The following TRIM44 variants were observed in gnomAD, a reference collection of about 807,000 sequenced individuals.
TRIM44 encodes tripartite motif-containing protein 44.
Under a neutral mutation model 37.4 loss-of-function variants are expected in TRIM44, and 13 were observed. The ratio of observed to expected loss-of-function variants is 0.35; its 90% CI spans 0.23 to 0.55. The LOEUF is 0.55. Ranked by LOEUF, TRIM44 falls within the 20% of genes least tolerant of loss-of-function variation. The pLI is 0.89. For missense variants in TRIM44, 426 were observed against 437.2 expected, an observed-to-expected ratio of 0.97 and a Z score of 0.23; for synonymous variants, 175 against 157.2, an observed-to-expected ratio of 1.11 and a Z score of -0.85.
At chr11:35,778,101 T>A (rs1458624276) in intron 4 of TRIM44, among the ~76,000 whole-genome samples, 1 of 152,216 alleles carries the variant, frequency 6.6e-6, no homozygotes, top group Non-Finnish European at 1.5e-5. Context: ...ACCAATCAGA[T>A]GTAGATTTGG....
chr11:35,749,969 G>A (rs982934929), intron 4 of TRIM44, among the ~76,000 whole-genome samples: 2 of 152,156 alleles, frequency 1.3e-5, no homozygotes, highest in African/African-American at 4.8e-5. Context: ...GGGTCGTGAT[G>A]CAAAAGGCTG....
intron 1 of TRIM44, among the ~76,000 whole-genome samples, chr11:35,676,176 TATG>T (rs1245098749): frequency 6.6e-6 from 1 of 152,172 alleles, no homozygotes; most frequent in Non-Finnish European, 1.5e-5. Context: ...CTTATTGAGT[TATG>T]ATGAGGAACA....
At chr11:35,667,409 G>T (rs1437810001) in intron 1 of TRIM44, among the ~76,000 whole-genome samples, 1 of 152,198 alleles carries the variant, frequency 6.6e-6, no homozygotes, top group African/African-American at 2.4e-5. Context: ...TTACTCTGTT[G>T]ATCAGGCTGG....
chr11:35,738,757 G>A lies in TRIM44; in HGVS notation c.1007+3312G>A, dbSNP rs146005284. 1.9e-3 allele frequency among the ~76,000 whole-genome samples: 282 copies of A among 152,176 alleles called. 2 individuals are homozygous for A. Among genetic ancestry groups the A allele is most frequent in the African/African-American group, 6.5e-3 (270 of 41,514 alleles). ...AATTAGAGTTTGATGTATAAGGAAC[G>A]CAGAAAGGAAGTGTGGGAGTCCCTA... On this transcript the variant is annotated intron_variant, in intron 4 of 4. Transcript: ENST00000299413.
intron 4 of TRIM44, among the ~76,000 whole-genome samples, chr11:35,742,540 TATTA>T (rs1274162918): frequency 1.5e-5 from 2 of 130,380 alleles, no homozygotes; most frequent in South Asian, 2.2e-4. Flanking sequence ...TATATAATTA[TATTA>T]ATTATATTAA....
chr11:35,804,940 C>A (rs1195111334), intron 4 of TRIM44, among the ~76,000 whole-genome samples: 1 of 152,170 alleles, frequency 6.6e-6, no homozygotes, highest in Non-Finnish European at 1.5e-5. Flanking sequence ...CCCTTAAAGT[C>A]TTTCCCAGAT....
chr11:35,708,890 A>G (rs1851927085), intron 2 of TRIM44, among the ~76,000 whole-genome samples: 1 of 152,028 alleles, frequency 6.6e-6, no homozygotes, highest in African/African-American at 2.4e-5. Flanking sequence ...GTGCACATGT[A>G]CCCTAAAACT....
intron 4 of TRIM44, among the ~76,000 whole-genome samples, chr11:35,756,834 C>T (rs762134669): frequency 6.6e-6 from 1 of 152,192 alleles, no homozygotes; most frequent in Non-Finnish European, 1.5e-5. Flanking sequence ...GTGGAACCAG[C>T]CTTGCATCCC....
chr11:35,678,745 A>T (rs902742586), intron 1 of TRIM44, among the ~76,000 whole-genome samples: 1 of 151,936 alleles, frequency 6.6e-6, no homozygotes, highest in Non-Finnish European at 1.5e-5. Context: ...GGTAGCTGGG[A>T]ATACAGGCCA....
chr11:35,803,537 G>A (rs1291103306), intron 4 of TRIM44, among the ~76,000 whole-genome samples: 2 of 152,072 alleles, frequency 1.3e-5, no homozygotes, highest in African/African-American at 4.8e-5. Context: ...CAAGGCCAAC[G>A]TGGTGAAACT....
At chr11:35,686,054 T>C (rs1356313470) in intron 2 of TRIM44, among the ~76,000 whole-genome samples, 1 of 152,120 alleles carries the variant, frequency 6.6e-6, no homozygotes, top group Non-Finnish European at 1.5e-5. Flanking sequence ...CTCCACTGCT[T>C]CCAGGAGCCA....
intron 2 of TRIM44, among the ~76,000 whole-genome samples, chr11:35,708,720 A>G (rs1564967542): frequency 1.3e-5 from 2 of 151,616 alleles, no homozygotes; most frequent in Non-Finnish European, 2.9e-5. Context: ...ATGAGAACAC[A>G]TGGACGCAGG....
chr11:35,804,996 G>A lies in TRIM44; in HGVS notation c.1008-1362G>A, dbSNP rs143355261. 3.8e-3 allele frequency among the ~76,000 whole-genome samples: 579 copies of A among 152,286 alleles called. 1 individual carries two copies. Among genetic ancestry groups the A allele is most frequent in the Non-Finnish European group, 6.9e-3 (468 of 68,036 alleles). Reference sequence around the variant, plus strand: ...TTTATATAGACATAGATAATCCCTTGTGAGATGAAAAATTTCTAGGTAATA... The same window carrying A: ...TTTATATAGACATAGATAATCCCTTATGAGATGAAAAATTTCTAGGTAATA... On this transcript the variant is annotated intron_variant, in intron 4 of 4. Transcript: ENST00000299413.
At chr11:35,739,773 TG>T (rs1852369627) in intron 4 of TRIM44, among the ~76,000 whole-genome samples, 1 of 152,108 alleles carries the variant, frequency 6.6e-6, no homozygotes, top group African/African-American at 2.4e-5. Flanking sequence ...CAAGAATTCT[TG>T]GAGGGCATGG....
At chr11:35,708,969 C>T (rs910463074) in intron 2 of TRIM44, among the ~76,000 whole-genome samples, 2 of 104,868 alleles carry the variant, frequency 1.9e-5, no homozygotes, top group African/African-American at 4.6e-5. Flanking sequence ...TAAACATGCA[C>T]TGATGTTGCC....
chr11:35,691,549 A>C (rs1324769928), intron 2 of TRIM44, among the ~76,000 whole-genome samples: 3 of 152,230 alleles, frequency 2.0e-5, no homozygotes, highest in Non-Finnish European at 4.4e-5. Context: ...TGTGCAGGAC[A>C]CTTACATTAG....
intron 4 of TRIM44, among the ~76,000 whole-genome samples, chr11:35,772,020 C>T (rs1037643279): frequency 3.3e-5 from 5 of 152,134 alleles, no homozygotes; most frequent in African/African-American, 1.2e-4. Flanking sequence ...CTGTGTGCAG[C>T]CTAGGAACTT....
intron 4 of TRIM44, among the ~76,000 whole-genome samples, chr11:35,738,811 G>A (rs888036248): frequency 3.9e-5 from 6 of 152,178 alleles, no homozygotes; most frequent in African/African-American, 1.4e-4. Context: ...AATGAAGCCG[G>A]AGACACTGAG....
chr11:35,709,801 C>T (rs116225645), intron 2 of TRIM44, among the ~76,000 whole-genome samples: 2 of 152,236 alleles, frequency 1.3e-5, no homozygotes, highest in African/African-American at 4.8e-5. Flanking sequence ...CTTCAGACCC[C>T]ACTTCTGACA....
Sources: allele counts gnomAD v4.1 joint callset (sites outside exome capture counted in the v4.1 genomes callset), GRCh38; gene constraint gnomAD v4.1.1; transcripts MANE v1.5; gene names NCBI Gene and HGNC (gene_info 2026-07-23, HGNC 2026-07-21).